The following MCF2L2 variants were observed in gnomAD, a reference collection of about 807,000 sequenced individuals.
MCF2L2 encodes the protein probable guanine nucleotide exchange factor MCF2L2.
Under a neutral mutation model 150.2 loss-of-function variants are expected in MCF2L2, and 102 were observed. That is an observed-to-expected ratio of 0.68 (90% confidence interval 0.58 to 0.80). MCF2L2 has a LOEUF of 0.80. Ranked by LOEUF, MCF2L2 falls within the 30% of genes least tolerant of loss-of-function variation. The pLI is 0.00. For synonymous variants in MCF2L2, 465 were observed against 491.3 expected (o/e 0.95, Z 0.71); for missense variants, 1,256 against 1,372.8 (o/e 0.91, Z 1.34).
intron 5 of MCF2L2, among the ~76,000 whole-genome samples, chr3:183,331,087 T>C (rs1203716682): frequency 2.0e-5 from 3 of 152,096 alleles, no homozygotes; most frequent in Non-Finnish European, 2.9e-5. Context: ...AACCACCACC[T>C]TATCAAACTC....
In MCF2L2 at chr3:183,179,489, G is replaced by A. The variant is rs1282820841; in HGVS notation, c.3236C>T (p.Thr1079Ile). ...GGACGCCCCAGCGCGCTCCTCCTCG[G>A]TGCTGCGGGTCGCCCTGCAATTCCG... Reference protein sequence around the residue: ...RDEEETATRSTEEERAGASTG... With the variant: ...RDEEETATRSIEEERAGASTG... The change falls in exon 30 of 30, where the codon ACC (threonine) becomes ATC (isoleucine). Residue 1079 changes from threonine to isoleucine, a missense_variant. Coordinates refer to ENST00000328913, the MANE Select transcript of MCF2L2 (RefSeq NM_015078.4). This position sits in a 1 kb window ranked among gnomAD's most constrained non-coding sequence, Gnocchi z 4.2. The A allele has an allele frequency of 6.2e-7, 1 of 1,608,406 alleles. No homozygotes were observed. The highest frequency in any genetic ancestry group is 1.7e-5 in the Admixed American group (1 of 58,996).
intron 21 of MCF2L2, among the ~76,000 whole-genome samples, chr3:183,218,591 G>A (rs774435806): frequency 5.3e-5 from 8 of 152,034 alleles, no homozygotes; most frequent in Admixed American, 1.3e-4. Flanking sequence ...CCGAAACTGC[G>A]CCATTGCACT....
In MCF2L2 at chr3:183,336,862, AAAAT is replaced by A. The variant is rs1359259404; in HGVS notation, c.486+1934_486+1937del. ...CAGAGTGAAACTCCATCTCAAAAAA[AAAAT>A]ATATATATATATATATATGGAATAT... On this transcript the variant is annotated intron_variant, in intron 5 of 29. Transcript: ENST00000328913. Among the ~76,000 whole-genome samples the A allele has an allele frequency of 7.9e-4, 102 of 129,678 alleles. 1 individual carries two copies. The highest frequency in any genetic ancestry group is 3.5e-3 in the African/African-American group (93 of 26,642). The allele number at this position is 129,678 out of a possible 152,430, so 85.1% of individuals were successfully genotyped here. A position where few individuals can be genotyped will look rare whatever the true frequency, so the allele number is the denominator to read the frequency against.
At chr3:183,182,113 A>C (rs1293678591) in intron 27 of MCF2L2, among the ~76,000 whole-genome samples, 1 of 152,122 alleles carries the variant, frequency 6.6e-6, no homozygotes, top group Admixed American at 6.5e-5. Context: ...CAACTGTTTC[A>C]GGGTCATCTG....
chr3:183,312,662 C>T (rs1370887362), intron 7 of MCF2L2, among the ~76,000 whole-genome samples: 2 of 152,212 alleles, frequency 1.3e-5, no homozygotes, highest in Admixed American at 6.5e-5. Flanking sequence ...TAGGCCCAGC[C>T]ACCTGTGTGG....
intron 19 of MCF2L2, 50 bp from the exon 20 acceptor site, chr3:183,223,488 A>G (rs766934607): frequency 1.4e-6 from 2 of 1,383,030 alleles, no homozygotes; most frequent in South Asian, 1.2e-5. Context: ...CAACACACAC[A>G]GAATAAAAGT....
At chr3:183,365,734 A>G (rs190183739) in intron 3 of MCF2L2, among the ~76,000 whole-genome samples, 1 of 152,344 alleles carries the variant, frequency 6.6e-6, no homozygotes, top group African/African-American at 2.4e-5. Flanking sequence ...TTCAGATACA[A>G]TAAAAGAAAA....
intron 5 of MCF2L2, among the ~76,000 whole-genome samples, chr3:183,332,844 A>T (rs1213952214): frequency 6.6e-6 from 1 of 152,220 alleles, no homozygotes; most frequent in Non-Finnish European, 1.5e-5. Context: ...TGAGTATTTA[A>T]AATAGAATGG....
chr3:183,300,937 C>T (rs1728810674), intron 10 of MCF2L2, among the ~76,000 whole-genome samples: 1 of 151,032 alleles, frequency 6.6e-6, no homozygotes, highest in Non-Finnish European at 1.5e-5. Flanking sequence ...ATCGCTTGAA[C>T]CCGGGAGGCG....
At chr3:183,210,150 T>G (rs970928578) in intron 22 of MCF2L2, among the ~76,000 whole-genome samples, 2 of 152,202 alleles carry the variant, frequency 1.3e-5, no homozygotes, top group African/African-American at 4.8e-5. Context: ...GGCGCCTGCC[T>G]GTAGTCGCAA....
At chr3:183,361,036 GAAGA>G (rs755526806) in intron 3 of MCF2L2, among the ~76,000 whole-genome samples, 2 of 102,214 alleles carry the variant, frequency 2.0e-5, no homozygotes, top group Non-Finnish European at 3.7e-5. Context: ...AAAAGAAAAG[GAAGA>G]AAGGAAAGGA....
chr3:183,275,297 T>C (rs1390545260), intron 15 of MCF2L2, among the ~76,000 whole-genome samples: 4 of 152,222 alleles, frequency 2.6e-5, no homozygotes, highest in African/African-American at 4.8e-5. Context: ...AAGCCTTCTA[T>C]ATACCAAGCA....
chr3:183,407,031 A>G (rs1298865037), intron 1 of MCF2L2, among the ~76,000 whole-genome samples: 2 of 152,146 alleles, frequency 1.3e-5, no homozygotes, highest in African/African-American at 4.8e-5. Flanking sequence ...GAATTTTTCT[A>G]TATGGGGTGA....
intron 3 of MCF2L2, among the ~76,000 whole-genome samples, chr3:183,352,799 G>A (rs6808684): frequency 0.12 from 17,675 of 152,168 alleles, 1,715 homozygotes; most frequent in African/African-American, 0.25. Context: ...TATGAAAAAT[G>A]ACTGAACTAT....
chr3:183,318,583 T>C (rs568748747), intron 6 of MCF2L2, among the ~76,000 whole-genome samples: 8 of 152,230 alleles, frequency 5.3e-5, no homozygotes, highest in Non-Finnish European at 1.0e-4. Context: ...AAAGAATCTA[T>C]ATATCTCACT....
At chr3:183,382,183 C>T (rs970691526) in intron 2 of MCF2L2, among the ~76,000 whole-genome samples, 11 of 151,934 alleles carry the variant, frequency 7.2e-5, no homozygotes, top group African/African-American at 1.9e-4. Context: ...CTCAGCCTAC[C>T]GAGTAGCTGG....
At chr3:183,419,347 AT>A (rs557320073) in intron 1 of MCF2L2, among the ~76,000 whole-genome samples, 4 of 152,148 alleles carry the variant, frequency 2.6e-5, no homozygotes, top group Non-Finnish European at 5.9e-5. Context: ...CCCTGGAGAC[AT>A]TTTCCCCATT....
intron 6 of MCF2L2, among the ~76,000 whole-genome samples, chr3:183,321,672 A>C (rs73068100): frequency 0.14 from 21,933 of 152,196 alleles, 1,736 homozygotes; most frequent in African/African-American, 0.2. Flanking sequence ...ATGAAACACG[A>C]CTGTATGTGT....
chr3:183,291,871 C>T (rs1424034286), intron 13 of MCF2L2, among the ~76,000 whole-genome samples: 1 of 152,126 alleles, frequency 6.6e-6, no homozygotes, highest in Non-Finnish European at 1.5e-5. Context: ...GAGAAACAAC[C>T]CTGTAATTCC....
Sources: gnomAD v4.1 joint callset for allele counts (sites outside exome capture counted in the v4.1 genomes callset) on GRCh38, gnomAD v4.1.1 for gene constraint, Gnocchi (gnomAD v3.1) non-coding constraint, MANE v1.5 for transcripts, NCBI Gene and HGNC (gene_info 2026-07-23, HGNC 2026-07-21) for gene names.